KCNK10: variants seen among roughly 807,000 people sequenced by gnomAD.
KCNK10 encodes potassium two pore domain channel subfamily K member 10.
KCNK10 carries 25 observed loss-of-function variants against 47.7 expected under a neutral mutation model. The ratio of observed to expected loss-of-function variants is 0.52; its 90% CI spans 0.38 to 0.73. The LOEUF is 0.73. Among genes scored for constraint, KCNK10 ranks in the 30% least tolerant of loss-of-function variants. The probability of loss-of-function intolerance (pLI) is 0.00; values close to 1 mark genes in which losing one functional copy is unlikely to be tolerated. For missense variants in KCNK10, 563 were observed against 714.5 expected (o/e 0.79, Z 2.42); for synonymous variants, 303 against 285.6 (o/e 1.06, Z -0.61).
intron 5 of KCNK10, among the ~76,000 whole-genome samples, chr14:88,191,073 C>T (rs1291605984): frequency 3.3e-5 from 5 of 151,842 alleles, no homozygotes; most frequent in Admixed American, 6.6e-5. Context: ...CCCATCTCTA[C>T]GAAAAATACA....
At chr14:88,277,546 C>T (rs760660268) in intron 1 of KCNK10, among the ~76,000 whole-genome samples, 15 of 151,946 alleles carry the variant, frequency 9.9e-5, no homozygotes, top group Non-Finnish European at 1.5e-4. Flanking sequence ...ATGTAGAAAA[C>T]CTACAAATCC....
At position 88,322,660 on chromosome 14, in the gene KCNK10, A is replaced by G; in HGVS notation, c.52+87T>C. The stretch of plus-strand genomic sequence containing the variant: ...TCCCAGCCTCAGGACACACGCTGCC[A>G]GAAGCAAGAGTGCTTCCACTCAAGG... On this transcript the variant is annotated intron_variant, in intron 1 of 6. Coordinates refer to ENST00000319231, the MANE Select transcript of KCNK10 (RefSeq NM_138317.3). The surrounding 1 kb of genome is among the most constrained non-coding windows in gnomAD (Gnocchi z 4.8). 1 of 1,556,654 alleles carries G rather than the reference A, an allele frequency of 6.4e-7. No individual in the cohort carries two copies. The highest frequency in any genetic ancestry group is 8.9e-7 in the Non-Finnish European group (1 of 1,128,898).
chr14:88,236,064 C>T (rs1027427738), intron 3 of KCNK10, among the ~76,000 whole-genome samples: 2 of 152,184 alleles, frequency 1.3e-5, no homozygotes, highest in Non-Finnish European at 2.9e-5. Flanking sequence ...ACATGTAATC[C>T]TAGCACTCTG....
chr14:88,240,432 A>C (rs1477985795), intron 3 of KCNK10, among the ~76,000 whole-genome samples: 1 of 152,244 alleles, frequency 6.6e-6, no homozygotes, highest in Non-Finnish European at 1.5e-5. Context: ...AGCTCAAATG[A>C]GTAACCCGAG....
chr14:88,234,782 G>T (rs1205482129), intron 3 of KCNK10, among the ~76,000 whole-genome samples: 3 of 152,170 alleles, frequency 2.0e-5, no homozygotes, highest in Non-Finnish European at 2.9e-5. Context: ...TATGTGGGCA[G>T]AAAATCCTCA....
At chr14:88,269,256 A>C (rs1887346140) in intron 1 of KCNK10, among the ~76,000 whole-genome samples, 1 of 152,256 alleles carries the variant, frequency 6.6e-6, no homozygotes, top group South Asian at 2.1e-4. Context: ...GACATTATTC[A>C]GGCTTTCTCA....
intron 1 of KCNK10, among the ~76,000 whole-genome samples, chr14:88,267,709 C>T (rs1030225408): frequency 1.3e-5 from 2 of 152,140 alleles, no homozygotes; most frequent in African/African-American, 4.8e-5. Flanking sequence ...TTCATTAATC[C>T]ATTTATTCTC....
At chr14:88,231,354 T>C (rs1249003682) in intron 3 of KCNK10, among the ~76,000 whole-genome samples, 1 of 152,150 alleles carries the variant, frequency 6.6e-6, no homozygotes, top group Non-Finnish European at 1.5e-5. Context: ...CCTCGATAGT[T>C]TGATAGGGAC....
chr14:88,258,190 A>T (rs1887011841), intron 2 of KCNK10, among the ~76,000 whole-genome samples: 1 of 152,198 alleles, frequency 6.6e-6, no homozygotes, highest in African/African-American at 2.4e-5. Flanking sequence ...GCACAGTTCA[A>T]AGCCTTTCTC....
chr14:88,220,420 A>AAG (rs1885768438), intron 4 of KCNK10, among the ~76,000 whole-genome samples: 3 of 45,104 alleles, frequency 6.7e-5, no homozygotes, highest in Non-Finnish European at 1.5e-4. Flanking sequence ...CCGTCTCAAA[A>AAG]AAAAAAAAAA....
intron 4 of KCNK10, among the ~76,000 whole-genome samples, chr14:88,222,439 G>T (rs1595089247): frequency 6.6e-6 from 1 of 152,242 alleles, no homozygotes; most frequent in South Asian, 2.1e-4. Flanking sequence ...TTAGGAGAGT[G>T]AAATACTATG....
chr14:88,200,072 T>G (rs1885053524), intron 4 of KCNK10, among the ~76,000 whole-genome samples: 1 of 150,136 alleles, frequency 6.7e-6, no homozygotes, highest in Admixed American at 6.6e-5. Flanking sequence ...TTCTTTCTTC[T>G]TCCTTTCTTT....
intron 1 of KCNK10, among the ~76,000 whole-genome samples, chr14:88,282,847 G>C (rs1235783132): frequency 6.6e-6 from 1 of 152,182 alleles, no homozygotes; most frequent in Non-Finnish European, 1.5e-5. Flanking sequence ...AAAATCAACA[G>C]AGGCTGGAAT....
At chr14:88,270,946 C>G in intron 1 of KCNK10, 1 of 701,248 alleles carries the variant, frequency 1.4e-6, no homozygotes, top group Non-Finnish European at 2.6e-6. Context: ...TGGCGCCTGC[C>G]TATCTCACAG....
At chr14:88,203,664 G>A (rs1034509480) in intron 4 of KCNK10, among the ~76,000 whole-genome samples, 2 of 152,216 alleles carry the variant, frequency 1.3e-5, no homozygotes, top group African/African-American at 4.8e-5. Context: ...TAGTGTTACC[G>A]GGGAGAGTGG....
At chr14:88,197,537 G>A (rs1884953357) in intron 4 of KCNK10, among the ~76,000 whole-genome samples, 1 of 113,022 alleles carries the variant, frequency 8.8e-6, no homozygotes. Context: ...TTGCACCACT[G>A]CACTCCAGCC....
chr14:88,326,819 A>G (rs983400542), upstream of KCNK10: 12 of 264,972 alleles, frequency 4.5e-5, no homozygotes, highest in Middle Eastern at 3.7e-3. Context: ...ATCTCTGGCA[A>G]CGAAGTTTCC....
intron 2 of KCNK10, among the ~76,000 whole-genome samples, chr14:88,259,958 G>A (rs1887063485): frequency 6.6e-6 from 1 of 152,134 alleles, no homozygotes; most frequent in South Asian, 2.1e-4. Flanking sequence ...TTTTGTTTTT[G>A]TTTTGAGAGA....
chr14:88,199,247 T>G (rs544161054), intron 4 of KCNK10, among the ~76,000 whole-genome samples: 1 of 152,184 alleles, frequency 6.6e-6, no homozygotes, highest in African/African-American at 2.4e-5. Context: ...AGCAGAAAGC[T>G]CAGTGATTAT....
Sources: allele counts gnomAD v4.1 joint callset (sites outside exome capture counted in the v4.1 genomes callset), GRCh38; gene constraint gnomAD v4.1.1; non-coding constraint Gnocchi (gnomAD v3.1); transcripts MANE v1.5; gene names NCBI Gene and HGNC (gene_info 2026-07-23, HGNC 2026-07-21).